DPY30: variants seen among roughly 807,000 people sequenced by gnomAD.
DPY30 encodes dpy-30 histone methyltransferase complex regulatory subunit.
In DPY30, 6 loss-of-function variants were observed where a neutral mutation model predicts 16.2. The observed-to-expected ratio is 0.37, with a 90% CI of 0.20 to 0.73. The LOEUF (loss-of-function observed/expected upper bound fraction) is 0.73. Ranked by LOEUF, DPY30 falls within the 30% of genes least tolerant of loss-of-function variation. DPY30 has a pLI of 0.51. For missense variants in DPY30, 73 were observed against 113.1 expected, an observed-to-expected ratio of 0.65 and a Z score of 1.61; for synonymous variants, 39 against 38.8, an observed-to-expected ratio of 1.00 and a Z score of -0.02.
intron 5 of DPY30, among the ~76,000 whole-genome samples, chr2:32,014,302 G>A (rs1334087203): frequency 6.6e-6 from 1 of 152,090 alleles, no homozygotes; most frequent in Admixed American, 6.6e-5. Flanking sequence ...GGACAACATA[G>A]CAAGACAAAA....
At chr2:32,026,570 C>G (rs1433615209) in intron 4 of DPY30, among the ~76,000 whole-genome samples, 1 of 152,190 alleles carries the variant, frequency 6.6e-6, no homozygotes, top group Non-Finnish European at 1.5e-5. Flanking sequence ...GCAGGCAGAT[C>G]ACCTGAAATC....
downstream of DPY30, among the ~76,000 whole-genome samples, chr2:32,019,823 A>T (rs1182403947): frequency 8.0e-6 from 1 of 124,952 alleles, no homozygotes; most frequent in Non-Finnish European, 1.6e-5. Context: ...TCCGTCTCAA[A>T]AAAAAAAAAA....
chr2:32,029,999 T>TG (rs918739073), intron 3 of DPY30, among the ~76,000 whole-genome samples: 3 of 151,760 alleles, frequency 2.0e-5, no homozygotes, highest in African/African-American at 7.3e-5. Context: ...CCTTTCCTTC[T>TG]GACTTTGCAG....
downstream of DPY30, among the ~76,000 whole-genome samples, chr2:32,022,811 C>T (rs62142088): frequency 6.6e-6 from 1 of 151,984 alleles, no homozygotes; most frequent in Non-Finnish European, 1.5e-5. Flanking sequence ...CCACCGCACC[C>T]GGCCAATCAC....
chr2:32,019,820 C>CAA (rs1169379455), downstream of DPY30, among the ~76,000 whole-genome samples: 429 of 86,526 alleles, frequency 5.0e-3, 6 homozygotes, highest in East Asian at 0.014. Context: ...AACTCCGTCT[C>CAA]AAAAAAAAAA....
At chr2:32,033,922 G>C (rs1255353865) in intron 3 of DPY30, among the ~76,000 whole-genome samples, 1 of 152,186 alleles carries the variant, frequency 6.6e-6, no homozygotes, top group African/African-American at 2.4e-5. Flanking sequence ...GAGAAATTAG[G>C]TGAGTACTAT....
At chr2:32,019,233 C>T (rs1162865561), downstream of DPY30, among the ~76,000 whole-genome samples, 1 of 152,130 alleles carries the variant, frequency 6.6e-6, no homozygotes. Flanking sequence ...GCTGGGACTA[C>T]AGGCACGCCC....
downstream of DPY30, chr2:32,023,517 A>C (rs776134589): frequency 2.1e-6 from 1 of 482,460 alleles, no homozygotes; most frequent in South Asian, 1.5e-5. Flanking sequence ...AGAGCTGCTT[A>C]TATCAGAGAT....
downstream of DPY30, among the ~76,000 whole-genome samples, chr2:32,023,040 G>T (rs554073042): frequency 6.6e-6 from 1 of 152,026 alleles, no homozygotes; most frequent in Non-Finnish European, 1.5e-5. Flanking sequence ...CCACCTAGCT[G>T]GGCATGGTGG....
At chr2:32,021,677 T>C (rs1488680962), downstream of DPY30, among the ~76,000 whole-genome samples, 2 of 144,248 alleles carry the variant, frequency 1.4e-5, no homozygotes, top group African/African-American at 5.1e-5. Context: ...AGACTCCATC[T>C]CAAAAAAAAA....
At chr2:32,023,778 G>C (rs960921722), downstream of DPY30, 4 of 1,305,520 alleles carry the variant, frequency 3.1e-6, no homozygotes, top group African/African-American at 1.5e-5. Context: ...AATTATACTT[G>C]ACTGCTGTAT....
chr2:32,023,803 A>T, downstream of DPY30: 2 of 1,307,876 alleles, frequency 1.5e-6, no homozygotes, highest in South Asian at 2.5e-5. Flanking sequence ...TCTCTGTTGT[A>T]AAACTCTGCA....
intron 4 of DPY30, among the ~76,000 whole-genome samples, chr2:32,027,533 A>G (rs1396286464): frequency 1.4e-5 from 2 of 145,390 alleles, no homozygotes; most frequent in Non-Finnish European, 3.0e-5. Flanking sequence ...CTCTGTCTCA[A>G]AAAAAAAAAA....
chr2:32,021,574 G>A (rs1375488971), downstream of DPY30, among the ~76,000 whole-genome samples: 2 of 151,400 alleles, frequency 1.3e-5, no homozygotes, highest in Non-Finnish European at 2.9e-5. Context: ...GCTACTGGGG[G>A]GTGCTGAGAC....
At chr2:32,012,505 G>A (rs1012514819) in intron 5 of DPY30, among the ~76,000 whole-genome samples, 7 of 133,618 alleles carry the variant, frequency 5.2e-5, no homozygotes, top group Non-Finnish European at 9.2e-5. Context: ...ATCTGGGCTC[G>A]CTGCAACCTC....
intron 4 of DPY30, among the ~76,000 whole-genome samples, chr2:32,028,954 A>T (rs1470050685): frequency 1.3e-5 from 2 of 151,662 alleles, no homozygotes; most frequent in Admixed American, 6.6e-5. Context: ...ACATAGCAAG[A>T]CTCTGTCTCA....
intron 5 of DPY30, among the ~76,000 whole-genome samples, chr2:32,013,637 G>A (rs1233464978): frequency 1.3e-5 from 2 of 152,168 alleles, no homozygotes; most frequent in African/African-American, 4.8e-5. Flanking sequence ...GTTTGACACT[G>A]CATAAGCATT....
downstream of DPY30, chr2:32,023,712 T>G: frequency 1.5e-6 from 2 of 1,303,918 alleles, no homozygotes. Context: ...GATGCCCAGA[T>G]CCCACCCTCA....
At chr2:32,013,615 C>G (rs1281021795) in intron 5 of DPY30, among the ~76,000 whole-genome samples, 1 of 152,306 alleles carries the variant, frequency 6.6e-6, no homozygotes, top group African/African-American at 2.4e-5. Context: ...ATTATATCCA[C>G]TAGTGATTTT....
Sources: allele counts gnomAD v4.1 joint callset (sites outside exome capture counted in the v4.1 genomes callset), GRCh38; gene constraint gnomAD v4.1.1; transcripts MANE v1.5; gene names NCBI Gene and HGNC (gene_info 2026-07-23, HGNC 2026-07-21).